Variants in NPNT observed in about 807,000 individuals in gnomAD.
NPNT encodes the protein nephronectin.
NPNT carries 45 observed loss-of-function variants against 68.6 expected under a neutral mutation model. The observed-to-expected ratio is 0.66, with a 90% CI of 0.52 to 0.84. The LOEUF is 0.84. Ranked by LOEUF, NPNT falls within the 40% of genes least tolerant of loss-of-function variation. The pLI, the probability that NPNT is intolerant of heterozygous loss-of-function variation, is 0.00. For missense variants in NPNT, 672 were observed against 714.8 expected, an observed-to-expected ratio of 0.94 and a Z score of 0.68; for synonymous variants, 233 against 253.3, an observed-to-expected ratio of 0.92 and a Z score of 0.76.
At chr4:105,901,510 G>A (rs190220922) in intron 2 of NPNT, among the ~76,000 whole-genome samples, 1 of 152,312 alleles carries the variant, frequency 6.6e-6, no homozygotes, top group Non-Finnish European at 1.5e-5. Flanking sequence ...ATAGAAGTGT[G>A]AAGAAAAACT....
rs369801296 is a variant in NPNT, at chr4:105,918,027, C to T, written c.173-9309C>T. Among the ~76,000 whole-genome samples the T allele has an allele frequency of 9.5e-4, 145 of 152,258 alleles. 1 individual carries two copies. Among genetic ancestry groups the T allele is most frequent in the African/African-American group, 3.3e-3 (137 of 41,560 alleles). ...AATAGTTCAGGCCTGGATTGAAGTC[C>T]ATGATGTTGGACACAGAAAGACTGT... On this transcript the variant is annotated intron_variant, in intron 2 of 11. Transcript: ENST00000379987.
Position 105,971,341 on chromosome 4 carries a change from C to A in NPNT, c.*2351C>A. The A allele has an allele frequency of 3.7e-6, 1 of 273,740 alleles. No individual in the cohort carries two copies. Among genetic ancestry groups the A allele is most frequent in the South Asian group, 3.4e-5 (1 of 29,576 alleles). 17.0% of individuals were successfully genotyped at this position (273,740 alleles called of 1,614,324 possible). On this transcript the variant is annotated 3_prime_UTR_variant, in exon 12 of 12. Transcript: ENST00000379987. Reference sequence around the variant, plus strand: ...ATAGGTACAATAGAAGGTCTTCTGTCATTTAACCTGGTAAAGGCAGGGCTG... The same window carrying A: ...ATAGGTACAATAGAAGGTCTTCTGTAATTTAACCTGGTAAAGGCAGGGCTG...
At chr4:105,947,602 C>T (rs1339107878) in intron 8 of NPNT, among the ~76,000 whole-genome samples, 1 of 152,112 alleles carries the variant, frequency 6.6e-6, no homozygotes, top group Non-Finnish European at 1.5e-5. Context: ...TTAATGGACA[C>T]AGTTGTTCAT....
rs372189029 is a variant in NPNT at position 105,942,298 on chromosome 4, C to T, written c.764-9C>T. 1.4e-4 allele frequency: 227 copies of T among 1,576,006 alleles called. No individual in the cohort carries two copies. Among genetic ancestry groups the T allele is most frequent in the South Asian group, 2.9e-4 (25 of 85,762 alleles). ...GTTACATACTGATTTAAGTCTTTGA[C>T]TCTTTCAGATATCCCAAAAGTTATG... On this transcript the variant is annotated splice_polypyrimidine_tract_variant and intron_variant, in intron 7 of 11. Transcript: ENST00000379987.
intron 2 of NPNT, among the ~76,000 whole-genome samples, chr4:105,926,710 C>T (rs530461961): frequency 1.3e-5 from 2 of 152,106 alleles, no homozygotes; most frequent in African/African-American, 2.4e-5. Flanking sequence ...AAACTGAGAA[C>T]GTCCTATTTG....
chr4:105,900,072 A>G (rs1726273848), intron 2 of NPNT, among the ~76,000 whole-genome samples: 1 of 152,274 alleles, frequency 6.6e-6, no homozygotes. Flanking sequence ...TCAATCTAAT[A>G]TGATTCCTTA....
At chr4:105,914,234 A>G (rs1373578385) in intron 2 of NPNT, among the ~76,000 whole-genome samples, 1 of 148,512 alleles carries the variant, frequency 6.7e-6, no homozygotes, top group African/African-American at 2.5e-5. Context: ...TATCTAGTAT[A>G]TAGTATCAGT....
intron 2 of NPNT, among the ~76,000 whole-genome samples, chr4:105,924,403 G>A (rs921076134): frequency 6.6e-6 from 1 of 152,120 alleles, no homozygotes; most frequent in African/African-American, 2.4e-5. Flanking sequence ...TTTCCAAAGG[G>A]TTTTCTTTTT....
chr4:105,920,395 T>TAAAAAAAAA (rs11355483), intron 2 of NPNT, among the ~76,000 whole-genome samples: 15 of 79,460 alleles, frequency 1.9e-4, no homozygotes, highest in African/African-American at 7.7e-4. Flanking sequence ...GTTACTCTAC[T>TAAAAAAAAA]AAAAAAAAAA....
At chr4:105,954,346 TG>T (rs1731055399) in intron 8 of NPNT, among the ~76,000 whole-genome samples, 1 of 152,226 alleles carries the variant, frequency 6.6e-6, no homozygotes, top group Non-Finnish European at 1.5e-5. Context: ...GGGTAAAACA[TG>T]GACCAATGGT....
chr4:105,907,021 C>G (rs1263746268), intron 2 of NPNT, among the ~76,000 whole-genome samples: 5 of 152,178 alleles, frequency 3.3e-5, no homozygotes, highest in Non-Finnish European at 7.3e-5. Flanking sequence ...CTTATTTCCC[C>G]AAAGTTCCTG....
intron 2 of NPNT, among the ~76,000 whole-genome samples, chr4:105,913,800 C>T (rs1274201653): frequency 1.3e-5 from 2 of 152,082 alleles, no homozygotes; most frequent in African/African-American, 2.4e-5. Flanking sequence ...GCTTCTGAAC[C>T]GTTTTTCCCA....
In NPNT at chr4:105,945,468, C is replaced by G. The variant is rs187239582; in HGVS notation, c.1159+2766C>G. 3.9e-5 allele frequency among the ~76,000 whole-genome samples: 6 copies of G among 152,272 alleles called. No homozygotes were observed. In the East Asian group the frequency reaches 1.2e-3, roughly 29 times the overall value. ...TTCCTTTTCTTCCCTTAAACATCCT[C>G]TACTCTCAGCCTTTCTTATCCCAGG... On this transcript the variant is annotated intron_variant, in intron 8 of 11. Transcript: ENST00000379987.
Position 105,927,350 on chromosome 4 carries a change from C to A in NPNT, c.187C>A (p.Arg63=), listed in dbSNP as rs745892365. ...TCTTTTCACAGCTGTGTGCCAACCACGATGCAAACATGGTGAATGTATCGG... is the reference window on the plus strand; with the variant it reads ...TCTTTTCACAGCTGTGTGCCAACCAAGATGCAAACATGGTGAATGTATCGG... ...WGQCQPVCQP[R]CKHGECIGPN... Residue 63 remains arginine (R), a synonymous_variant, in exon 3 of 12, where the codon CGA becomes AGA. Transcript: ENST00000379987. The A allele has an allele frequency of 6.2e-7, 1 of 1,610,710 alleles. No individual in the cohort carries two copies. Among genetic ancestry groups the A allele is most frequent in the Non-Finnish European group, 8.5e-7 (1 of 1,177,638 alleles).
chr4:105,941,978 CTGTT>C (rs1263740996), intron 7 of NPNT, among the ~76,000 whole-genome samples: 1 of 152,018 alleles, frequency 6.6e-6, no homozygotes, highest in Non-Finnish European at 1.5e-5. Context: ...TGGTTGTTGT[CTGTT>C]TGCACTGCAC....
At chr4:105,919,256 T>C (rs1174770092) in intron 2 of NPNT, among the ~76,000 whole-genome samples, 1 of 152,050 alleles carries the variant, frequency 6.6e-6, no homozygotes, top group African/African-American at 2.4e-5. Context: ...TTTTCTCTCT[T>C]CCTTCCCGCC....
At chr4:105,904,603 A>G (rs10029267) in intron 2 of NPNT, among the ~76,000 whole-genome samples, 3,058 of 152,230 alleles carry the variant, frequency 0.02, 100 homozygotes, top group African/African-American at 0.068. Flanking sequence ...CCTGCCTATC[A>G]TTTACTTGTA....
intron 2 of NPNT, among the ~76,000 whole-genome samples, chr4:105,906,261 T>C (rs1240432910): frequency 6.6e-6 from 1 of 152,260 alleles, no homozygotes. Context: ...GGAGGAATTA[T>C]GGTTTTACTG....
intron 8 of NPNT, among the ~76,000 whole-genome samples, chr4:105,949,329 T>C (rs1427903766): frequency 6.6e-6 from 1 of 152,174 alleles, no homozygotes; most frequent in Non-Finnish European, 1.5e-5. Context: ...GAATCAACTT[T>C]AGGTCAGGCT....
Sources: gnomAD v4.1 joint callset for allele counts (sites outside exome capture counted in the v4.1 genomes callset) on GRCh38, gnomAD v4.1.1 for gene constraint, MANE v1.5 for transcripts, NCBI Gene and HGNC (gene_info 2026-07-23, HGNC 2026-07-21) for gene names.